The following AP3S1 variants were observed in gnomAD, a reference collection of about 807,000 sequenced individuals.
The protein encoded by AP3S1 is AP-3 complex subunit sigma-1.
AP3S1 carries 12 observed loss-of-function variants against 21.3 expected under a neutral mutation model. The ratio of observed to expected loss-of-function variants is 0.56; its 90% confidence interval spans 0.36 to 0.91. AP3S1 has a LOEUF of 0.91. AP3S1 is among the 40% of genes least tolerant of loss of function. The pLI, the probability that AP3S1 is intolerant of heterozygous loss-of-function variation, is 0.01. For synonymous variants in AP3S1, 48 were observed against 78.4 expected (o/e 0.61, Z 2.05); for missense variants, 116 against 225.0 (o/e 0.52, Z 3.10).
Position 115,869,994 on chromosome 5 carries a change from A to T in AP3S1, c.162-23A>T, listed in dbSNP as rs1160998580. On this transcript the variant is annotated intron_variant, in intron 2 of 5. Transcript: ENST00000316788. ...TGATTCGCATTTTGTTTCCAATAAC[A>T]TTACAATTTTTTTGTCATTTAGATT... The T allele has an allele frequency of 2.2e-6, 3 of 1,336,150 alleles. No individual in the cohort carries two copies. The South Asian group carries it at 4.0e-5, about 18-fold the overall frequency. 82.8% of individuals were successfully genotyped at this position (1,336,150 alleles called of 1,614,324 possible). A position where few individuals can be genotyped will look rare whatever the true frequency, so the allele number is the denominator to read the frequency against.
intron 5 of AP3S1, chr5:115,903,485 A>G (rs1029354350): frequency 6.5e-6 from 1 of 152,938 alleles, no homozygotes; most frequent in Admixed American, 6.5e-5. Context: ...CACATTCAAA[A>G]AAGAAATTCA....
intron 4 of AP3S1, among the ~76,000 whole-genome samples, chr5:115,900,600 G>A (rs1007534301): frequency 6.6e-6 from 1 of 152,174 alleles, no homozygotes; most frequent in Non-Finnish European, 1.5e-5. Flanking sequence ...TTATGAAGTT[G>A]CTCATTGTTT....
At chr5:115,859,161 T>C (rs1385250393) in intron 1 of AP3S1, among the ~76,000 whole-genome samples, 1 of 152,194 alleles carries the variant, frequency 6.6e-6, no homozygotes, top group East Asian at 1.9e-4. Context: ...GCCTGTGCGA[T>C]CTTTACTTGA....
chr5:115,892,266 A>G (rs1750372395), intron 3 of AP3S1, among the ~76,000 whole-genome samples: 2 of 152,178 alleles, frequency 1.3e-5, no homozygotes, highest in Non-Finnish European at 1.5e-5. Context: ...TCCTCAAAAA[A>G]CTAAAAATAG....
At chr5:115,854,868 T>C (rs1444006810) in intron 1 of AP3S1, among the ~76,000 whole-genome samples, 1 of 152,150 alleles carries the variant, frequency 6.6e-6, no homozygotes, top group East Asian at 1.9e-4. Context: ...AAGATGACAG[T>C]CTTGCTGCTC....
chr5:115,875,346 C>T (rs1311842531), intron 3 of AP3S1, among the ~76,000 whole-genome samples: 5 of 152,114 alleles, frequency 3.3e-5, no homozygotes, highest in South Asian at 2.1e-4. Context: ...CAAATTATGG[C>T]GAGGTAGGTA....
At chr5:115,886,732 A>G (rs760635354) in intron 3 of AP3S1, among the ~76,000 whole-genome samples, 16 of 152,204 alleles carry the variant, frequency 1.1e-4, no homozygotes, top group Non-Finnish European at 2.2e-4. Flanking sequence ...ACCTGTACCA[A>G]GTAAATGCTA....
chr5:115,848,203 G>A (rs1762196361), intron 1 of AP3S1, among the ~76,000 whole-genome samples: 1 of 143,914 alleles, frequency 6.9e-6, no homozygotes, highest in Non-Finnish European at 1.5e-5. Context: ...TTGTGACTGT[G>A]GAAAATTAAA....
intron 1 of AP3S1, chr5:115,842,373 G>C (rs1431756050): frequency 5.1e-6 from 2 of 393,578 alleles, no homozygotes; most frequent in African/African-American, 2.1e-5. Flanking sequence ...GCGCGGGCGA[G>C]GCCCTGGAGA....
At chr5:115,894,943 T>C in intron 3 of AP3S1, 144 bp from the exon 4 acceptor site, 1 of 545,144 alleles carries the variant, frequency 1.8e-6, no homozygotes, top group Non-Finnish European at 3.2e-6. Context: ...TTTTTTACTT[T>C]TTTTGCATTA....
Position 115,850,190 on chromosome 5 carries a change from A to G in AP3S1, c.69+8084A>G, listed in dbSNP as rs964257577. On this transcript the variant is annotated intron_variant, in intron 1 of 5. Transcript: ENST00000316788. ...TCAGTCACAGTTCTCTTTGTTACTC[A>G]GGAGGAAAGGGCTATCTTTTAATAT... Among the ~76,000 whole-genome samples the G allele has an allele frequency of 1.3e-5, 2 of 152,168 alleles. 1 individual carries two copies. The highest frequency in any genetic ancestry group is 4.8e-5 in the African/African-American group (2 of 41,454).
chr5:115,899,959 G>T (rs1751069288), intron 4 of AP3S1, among the ~76,000 whole-genome samples: 1 of 151,940 alleles, frequency 6.6e-6, no homozygotes, highest in Admixed American at 6.5e-5. Flanking sequence ...ATTTAAGAGG[G>T]AGAGATATAT....
chr5:115,889,107 C>G (rs548528290), intron 3 of AP3S1, among the ~76,000 whole-genome samples: 47 of 152,290 alleles, frequency 3.1e-4, no homozygotes, highest in African/African-American at 1.1e-3. Context: ...CAGAGGCACA[C>G]TTAATGCTAT....
At chr5:115,849,527 A>G (rs1014798181) in intron 1 of AP3S1, among the ~76,000 whole-genome samples, 1 of 152,214 alleles carries the variant, frequency 6.6e-6, no homozygotes, top group Non-Finnish European at 1.5e-5. Flanking sequence ...GGGACAGATC[A>G]TGCCTGTATG....
intron 1 of AP3S1, among the ~76,000 whole-genome samples, chr5:115,848,258 A>G (rs962892779): frequency 6.6e-6 from 1 of 152,188 alleles, no homozygotes; most frequent in African/African-American, 2.4e-5. Flanking sequence ...ACACACAGAT[A>G]ATTATTAACA....
At chr5:115,845,008 A>T (rs1329189141) in intron 1 of AP3S1, among the ~76,000 whole-genome samples, 1 of 152,220 alleles carries the variant, frequency 6.6e-6, no homozygotes, top group Non-Finnish European at 1.5e-5. Context: ...AGTTGGGATT[A>T]GTTAACTTGC....
Position 115,908,836 on chromosome 5 carries a change from G to T in AP3S1, c.454-4526G>T, listed in dbSNP as rs565009384. 1.4e-4 allele frequency: 35 copies of T among 259,028 alleles called. No individual in the cohort carries two copies. The South Asian group carries it at 5.0e-3, about 37-fold the overall frequency. The allele number at this position is 259,028 out of a possible 1,614,324, so 16.0% of individuals were successfully genotyped here. A position where few individuals can be genotyped will look rare whatever the true frequency, so the allele number is the denominator to read the frequency against. ...ATTAAAAGTTATTCTACCTCGTGTTGAGGGATTTTTTAAACTATTGACATT... is the reference window on the plus strand; with the variant it reads ...ATTAAAAGTTATTCTACCTCGTGTTTAGGGATTTTTTAAACTATTGACATT... On this transcript the variant is annotated intron_variant, in intron 5 of 5. Transcript: ENST00000316788.
At chr5:115,882,696 G>C (rs1011693035) in intron 3 of AP3S1, among the ~76,000 whole-genome samples, 4 of 152,190 alleles carry the variant, frequency 2.6e-5, no homozygotes, top group African/African-American at 9.6e-5. Context: ...CGCTTGAGGA[G>C]GCAGTCTGTC....
intron 3 of AP3S1, among the ~76,000 whole-genome samples, chr5:115,879,677 C>G (rs1314716073): frequency 6.6e-6 from 1 of 152,032 alleles, no homozygotes; most frequent in African/African-American, 2.4e-5. Flanking sequence ...TCTTGTGTCT[C>G]TCTCAGGCTC....
Sources: allele counts gnomAD v4.1 joint callset (sites outside exome capture counted in the v4.1 genomes callset), GRCh38; gene constraint gnomAD v4.1.1; transcripts MANE v1.5; gene names NCBI Gene and HGNC (gene_info 2026-07-23, HGNC 2026-07-21).